HNRNPDL: variants seen among roughly 807,000 people sequenced by gnomAD.
HNRNPDL encodes heterogeneous nuclear ribonucleoprotein D-like.
Under a neutral mutation model 48.0 loss-of-function variants are expected in HNRNPDL, and 18 were observed. The observed-to-expected ratio is 0.38, with a 90% CI of 0.26 to 0.56. The LOEUF (loss-of-function observed/expected upper bound fraction) is 0.56, where lower values mean the gene tolerates loss of function less well. Ranked by LOEUF, HNRNPDL falls within the 20% of genes least tolerant of loss-of-function variation. The pLI, the probability that HNRNPDL is intolerant of heterozygous loss-of-function variation, is 0.77. For synonymous variants in HNRNPDL, 306 were observed against 207.3 expected, an observed-to-expected ratio of 1.48 and a Z score of -4.09; for missense variants, 553 against 540.7, an observed-to-expected ratio of 1.02 and a Z score of -0.23.
chr4:82,429,944 G>C lies in HNRNPDL; in HGVS notation c.-254C>G. 1 of 340,624 alleles carries C rather than the reference G, an allele frequency of 2.9e-6. No individual in the cohort carries two copies. The highest frequency in any genetic ancestry group is 4.3e-5 in the East Asian group (1 of 23,076). 21.1% of individuals were successfully genotyped at this position (340,624 alleles called of 1,614,324 possible). ...TTCGCCAGTGCGGAGCCGCTGCGGC[G>C]GCCGCTGCTACCGACTAGCACCGCG... On this transcript the variant is annotated 5_prime_UTR_variant, in exon 1 of 8. Transcript: ENST00000295470.
Position 82,426,629 on chromosome 4 carries a change from C to G in HNRNPDL, c.1026G>C (p.Gln342His). 1 of 1,613,448 alleles carries G rather than the reference C, an allele frequency of 6.2e-7. No homozygotes were observed. Among genetic ancestry groups the G allele is most frequent in the Non-Finnish European group, 8.5e-7 (1 of 1,179,672 alleles). ...RGGTRGRGRG[Q>H]GQNWNQGFNN... The stretch of plus-strand genomic sequence containing the variant: ...TAAATCCTTGGTTCCAGTTTTGGCC[C>G]TGACCTGAAACAATGCACAATGATT... Residue 342 changes from glutamine to histidine, a missense_variant, in exon 6 of 8, where the codon CAG (glutamine) becomes CAC (histidine). This residue lies in a region of HNRNPDL where 174 missense variants were observed against 204.6 expected (regional missense o/e 0.85). Coordinates refer to ENST00000295470, the MANE Select transcript of HNRNPDL (RefSeq NM_031372.4).
intron 3 of HNRNPDL, 78 bp downstream of exon 3, chr4:82,427,940 C>G (rs1721487302): frequency 1.5e-6 from 2 of 1,353,438 alleles, no homozygotes; most frequent in Non-Finnish European, 2.1e-6. Flanking sequence ...AAACATGAAT[C>G]TGCCCTGCAT....
At chr4:82,428,767 T>A (rs1358089223) in intron 1 of HNRNPDL, among the ~76,000 whole-genome samples, 2 of 152,202 alleles carry the variant, frequency 1.3e-5, no homozygotes, top group African/African-American at 2.4e-5. Flanking sequence ...CTTACTTAGG[T>A]CCATCTTCGT....
At chr4:82,427,094 T>G in intron 5 of HNRNPDL, 96 bp downstream of exon 5, 2 of 865,182 alleles carry the variant, frequency 2.3e-6, no homozygotes, top group Non-Finnish European at 3.9e-6. Flanking sequence ...GGAATGGTTT[T>G]AAGTTTAAAG....
Position 82,429,910 on chromosome 4 carries a change from T to G in HNRNPDL, c.-220A>C. On this transcript the variant is annotated 5_prime_UTR_variant, in exon 1 of 8. Coordinates refer to ENST00000295470, the MANE Select transcript of HNRNPDL (RefSeq NM_031372.4). ...AAAAGCCGTCAACCCCGCCTTTTTCTGCCCTCGGTTCGCCAGTGCGGAGCC... is the reference window on the plus strand; with the variant it reads ...AAAAGCCGTCAACCCCGCCTTTTTCGGCCCTCGGTTCGCCAGTGCGGAGCC... The G allele has an allele frequency of 2.7e-6, 1 of 367,592 alleles. No individual in the cohort carries two copies. The allele number at this position is 367,592 out of a possible 1,614,324, so 22.8% of individuals were successfully genotyped here.
At chr4:82,427,371 T>A in intron 4 of HNRNPDL, 62 bp downstream of exon 4, 1 of 1,527,460 alleles carries the variant, frequency 6.5e-7, no homozygotes. Context: ...TTTATTTTTC[T>A]CCACATCAAG....
chr4:82,426,235 T>G (rs1382604484), intron 6 of HNRNPDL, 106 bp from the exon 7 acceptor site: 11 of 1,094,938 alleles, frequency 1.0e-5, no homozygotes, highest in African/African-American at 1.6e-5. Flanking sequence ...ATAAAAAGTA[T>G]TAAGATATTT....
intron 1 of HNRNPDL, among the ~76,000 whole-genome samples, chr4:82,428,951 G>A (rs968456279): frequency 1.3e-5 from 2 of 152,200 alleles, no homozygotes; most frequent in Admixed American, 1.3e-4. Context: ...CAGCTGCAGC[G>A]TGCAGCGCTG....
In HNRNPDL at chr4:82,429,104, C is replaced by T. The variant is rs1204798751; in HGVS notation, c.443+144G>A. On this transcript the variant is annotated intron_variant, in intron 1 of 7. Coordinates refer to ENST00000295470, the MANE Select transcript of HNRNPDL (RefSeq NM_031372.4). The stretch of plus-strand genomic sequence containing the variant: ...GTCACCCCCTCGATCTCTTACTTTC[C>T]TCTTCCCTCCAATCTAGTGGGGCCC... The T allele has an allele frequency of 4.0e-6, 3 of 750,968 alleles. No homozygotes were observed. The African/African-American group carries it at 5.1e-5, about 13-fold the overall frequency. 46.5% of individuals were successfully genotyped at this position (750,968 alleles called of 1,614,324 possible).
Position 82,423,125 on chromosome 4 carries a change from C to A in HNRNPDL, c.*1781G>T, listed in dbSNP as rs1203595882. On this transcript the variant is annotated 3_prime_UTR_variant, in exon 8 of 8. Coordinates refer to ENST00000295470, the MANE Select transcript of HNRNPDL (RefSeq NM_031372.4). Reference sequence around the variant, plus strand: ...ACCAATTCTCACTCCCCCTTCAATTCTTTGCAAAACATCTCAATCATCTCT... The same window carrying A: ...ACCAATTCTCACTCCCCCTTCAATTATTTGCAAAACATCTCAATCATCTCT... 6.6e-6 allele frequency: 1 copy of A among 152,150 alleles called. No individual in the cohort carries two copies. The highest frequency in any genetic ancestry group is 1.5e-5 in the Non-Finnish European group (1 of 68,028). 9.4% of individuals were successfully genotyped at this position (152,150 alleles called of 1,614,324 possible).
rs142906141 is a variant in HNRNPDL, at chr4:82,422,863, T to C, written c.*2043A>G. ...AAAAACATACACAGAGTATTTGTTATAGGTACTTTAGAATTCATTTCTATC... is the reference window on the plus strand; with the variant it reads ...AAAAACATACACAGAGTATTTGTTACAGGTACTTTAGAATTCATTTCTATC... On this transcript the variant is annotated 3_prime_UTR_variant, in exon 8 of 8. Transcript: ENST00000295470. 2.0e-4 allele frequency: 31 copies of C among 152,362 alleles called. No homozygotes were observed. The East Asian group carries it at 5.2e-3, about 26-fold the overall frequency. 9.4% of individuals were successfully genotyped at this position (152,362 alleles called of 1,614,324 possible). A position where few individuals can be genotyped will look rare whatever the true frequency, so the allele number is the denominator to read the frequency against.
intron 5 of HNRNPDL, among the ~76,000 whole-genome samples, chr4:82,426,925 T>C (rs1578083677): frequency 2.0e-5 from 3 of 152,228 alleles, no homozygotes; most frequent in African/African-American, 4.8e-5. Context: ...AGAAAACCTA[T>C]CACACCACGG....
chr4:82,427,966 T>C, intron 3 of HNRNPDL, 52 bp downstream of exon 3: 3 of 1,554,872 alleles, frequency 1.9e-6, no homozygotes, highest in Non-Finnish European at 2.6e-6. Context: ...GGACAAGGAT[T>C]GAACATTTTA....
rs1215510305 is a variant in HNRNPDL, at chr4:82,422,934, T to C, written c.*1972A>G. Reference sequence around the variant, plus strand: ...CAATTACTTTGTTCTAAATTAATCCTTGGGAACGAGATCTTGATAGTAGCT... The same window carrying C: ...CAATTACTTTGTTCTAAATTAATCCCTGGGAACGAGATCTTGATAGTAGCT... On this transcript the variant is annotated 3_prime_UTR_variant, in exon 8 of 8. Transcript: ENST00000295470. 6.6e-6 allele frequency: 1 copy of C among 152,202 alleles called. No homozygotes were observed. Among genetic ancestry groups the C allele is most frequent in the East Asian group, 1.9e-4 (1 of 5,204 alleles). The allele number at this position is 152,202 out of a possible 1,614,324, so 9.4% of individuals were successfully genotyped here. A position where few individuals can be genotyped will look rare whatever the true frequency, so the allele number is the denominator to read the frequency against.
At position 82,429,649 on chromosome 4, in the gene HNRNPDL, C is replaced by A. The variant is rs753174711; in HGVS notation, c.42G>T (p.Leu14Phe). The change falls in exon 1 of 8, where the codon TTG becomes TTT. Residue 14 changes from leucine to phenylalanine, a missense_variant. Transcript: ENST00000295470. ...CTAAAGTAGCGGGAGCGGAGGGGAA[C>A]AATGGCGGCGGCACATGGGAAAGCC... ...PPRLSHVPPP[L>F]FPSAPATLAS... is the part of the protein sequence containing the mutation. The A allele has an allele frequency of 1.3e-5, 18 of 1,366,716 alleles. No individual in the cohort carries two copies. In the East Asian group the frequency reaches 5.1e-4, roughly 39 times the overall value. The allele number at this position is 1,366,716 out of a possible 1,614,324, so 84.7% of individuals were successfully genotyped here. A position where few individuals can be genotyped will look rare whatever the true frequency, so the allele number is the denominator to read the frequency against.
At position 82,428,358 on chromosome 4, in the gene HNRNPDL, T is replaced by C. The variant is rs1432721057; in HGVS notation, c.532A>G (p.Thr178Ala). The C allele has an allele frequency of 1.2e-6, 2 of 1,614,076 alleles. No homozygotes were observed. Reference protein sequence around the residue: ...LSRFGEVVDCTIKTDPVTGRS... With the variant: ...LSRFGEVVDCAIKTDPVTGRS... ...CCAGTGACTGGATCTGTTTTAATTG[T>C]GCAGTCTACAACTTCCCCAAATCGA... The change falls in exon 2 of 8, where the codon ACA becomes GCA. Residue 178 changes from threonine (T) to alanine (A), a missense_variant. Physicochemically the swap from Thr to Ala is moderately conservative, Grantham distance 58 (BLOSUM62 0). Around this residue, in one of 4 missense-constraint regions of HNRNPDL, gnomAD observed 43 missense variants for 104.0 expected, o/e 0.41. Coordinates refer to ENST00000295470, the MANE Select transcript of HNRNPDL (RefSeq NM_031372.4).
Position 82,429,636 on chromosome 4 carries a change from G to A in HNRNPDL, c.55C>T (p.Pro19Ser). The A allele has an allele frequency of 7.3e-7, 1 of 1,373,612 alleles. No individual in the cohort carries two copies. The highest frequency in any genetic ancestry group is 1.5e-5 in the African/African-American group (1 of 65,206). The allele number at this position is 1,373,612 out of a possible 1,614,324, so 85.1% of individuals were successfully genotyped here. Residue 19 changes from proline to serine, a missense_variant, in exon 1 of 8, where the codon CCC becomes TCC. Physicochemically the swap from Pro to Ser is moderately conservative, Grantham distance 74. Around this residue, in one of 4 missense-constraint regions of HNRNPDL, gnomAD observed 327 missense variants for 203.2 expected, o/e 1.61. Transcript: ENST00000295470. ...HVPPPLFPSA[P>S]ATLASRSLSH... Reference sequence around the variant, plus strand: ...AGGCTGCGGGAGGCTAAAGTAGCGGGAGCGGAGGGGAACAATGGCGGCGGC... The same window carrying A: ...AGGCTGCGGGAGGCTAAAGTAGCGGAAGCGGAGGGGAACAATGGCGGCGGC...
Position 82,429,515 on chromosome 4 carries a change from C to A in HNRNPDL, c.176G>T (p.Arg59Leu), listed in dbSNP as rs1052197802. Residue 59 changes from arginine (R) to leucine (L), a missense_variant, in exon 1 of 8, where the codon CGC becomes CTC. By Grantham distance (102) the Arg-to-Leu change is moderately radical. Around this residue, in one of 4 missense-constraint regions of HNRNPDL, gnomAD observed 327 missense variants for 203.2 expected, o/e 1.61. Transcript: ENST00000295470. ...SARQGARRAQ[R>L]HVTAQQPSRL... Reference sequence around the variant, plus strand: ...GGAGGGCTGCTGGGCGGTGACGTGGCGCTGGGCCCGGCGCGCCCCCTGCCG... The same window carrying A: ...GGAGGGCTGCTGGGCGGTGACGTGGAGCTGGGCCCGGCGCGCCCCCTGCCG... 4.0e-6 allele frequency: 6 copies of A among 1,508,176 alleles called. No homozygotes were observed. The highest frequency in any genetic ancestry group is 1.2e-5 in the South Asian group (1 of 80,298). The allele number at this position is 1,508,176 out of a possible 1,614,324, so 93.4% of individuals were successfully genotyped here.
intron 5 of HNRNPDL, 55 bp downstream of exon 5, chr4:82,427,135 A>G: frequency 8.9e-7 from 1 of 1,122,814 alleles, no homozygotes; most frequent in South Asian, 1.2e-5. Context: ...ACTCATATTC[A>G]GCAGTATACA....
Sources: allele counts gnomAD v4.1 joint callset (sites outside exome capture counted in the v4.1 genomes callset), GRCh38; gene constraint gnomAD v4.1.1; regional missense constraint gnomAD v4.1.1; transcripts MANE v1.5; gene names NCBI Gene and HGNC (gene_info 2026-07-23, HGNC 2026-07-21).